The following HDAC4 variants were observed in gnomAD, a reference collection of about 807,000 sequenced individuals.
HDAC4 encodes the protein histone deacetylase A.
HDAC4 carries 16 observed loss-of-function variants against 135.1 expected under a neutral mutation model. That is an observed-to-expected ratio of 0.12 (90% CI 0.08 to 0.18). The LOEUF (loss-of-function observed/expected upper bound fraction) is 0.18. Ranked by LOEUF, HDAC4 falls within the 10% of genes least tolerant of loss-of-function variation. The pLI is 1.00. For missense variants in HDAC4, 1,143 were observed against 1,511.8 expected, an observed-to-expected ratio of 0.76 and a Z score of 4.05; for synonymous variants, 685 against 653.4, an observed-to-expected ratio of 1.05 and a Z score of -0.74.
chr2:239,109,148 G>A (rs2152789865), intron 14 of HDAC4, among the ~76,000 whole-genome samples: 1 of 152,362 alleles, frequency 6.6e-6, no homozygotes, highest in East Asian at 1.9e-4. Flanking sequence ...CCGAGGCCCT[G>A]CCGGGACATG....
At position 239,250,956 on chromosome 2, in the gene HDAC4, C is replaced by T. The variant is rs116017630; in HGVS notation, c.23-14292G>A. Among the ~76,000 whole-genome samples the T allele has an allele frequency of 2.8e-3, 433 of 152,330 alleles. 3 individuals carry two copies. The highest frequency in any genetic ancestry group is 5.1e-3 in the Non-Finnish European group (350 of 68,030). On this transcript the variant is annotated intron_variant, in intron 2 of 26. Transcript: ENST00000543185. Reference sequence around the variant, plus strand: ...CGTGTGTTCACGTGCCCCCGCCACACGCCTGGTTCACCTCGAGACCTGCAT... The same window carrying T: ...CGTGTGTTCACGTGCCCCCGCCACATGCCTGGTTCACCTCGAGACCTGCAT...
In HDAC4 at chr2:239,115,255, G is replaced by A. The variant is rs371587706; in HGVS notation, c.1589C>T (p.Thr530Met). The A allele has an allele frequency of 2.0e-5, 33 of 1,612,986 alleles. No homozygotes were observed. Among genetic ancestry groups the A allele is most frequent in the Middle Eastern group, 1.6e-4 (1 of 6,080 alleles). Residue 530 changes from threonine (T) to methionine (M), a missense_variant, in exon 13 of 27, where the codon ACG becomes ATG. Thr to Met is a moderately conservative substitution (Grantham distance 81). Transcript: ENST00000543185. This position sits in a 1 kb window ranked among gnomAD's most constrained non-coding sequence, Gnocchi z 6.3. Reference sequence around the variant, plus strand: ...CTGGTGCTCACGGAGCTCCTCCTCCGTCTCCTCCGGGTGGCTCTCCGGCTG... The same window carrying A: ...CTGGTGCTCACGGAGCTCCTCCTCCATCTCCTCCGGGTGGCTCTCCGGCTG... ...ARQPESHPEE[T>M]EEELREHQAL...
At chr2:239,199,075 T>A (rs2045586968) in intron 3 of HDAC4, among the ~76,000 whole-genome samples, 1 of 150,036 alleles carries the variant, frequency 6.7e-6, no homozygotes, top group South Asian at 2.1e-4. Flanking sequence ...GATGTATCTT[T>A]TAAGACCCCT....
intron 3 of HDAC4, chr2:239,191,062 G>T (rs1305999468): frequency 4.4e-6 from 2 of 454,828 alleles, no homozygotes; most frequent in Non-Finnish European, 8.9e-6. Flanking sequence ...AAACTTCACT[G>T]AGAGTCCAAG....
intron 2 of HDAC4, among the ~76,000 whole-genome samples, chr2:239,335,581 C>A (rs1691888243): frequency 2.5e-5 from 3 of 120,806 alleles, no homozygotes; most frequent in African/African-American, 9.0e-5. Flanking sequence ...TAGCAACAAA[C>A]AACAAAAAGC....
At chr2:239,205,587 G>C (rs888925064) in intron 3 of HDAC4, among the ~76,000 whole-genome samples, 2 of 152,150 alleles carry the variant, frequency 1.3e-5, no homozygotes, top group Non-Finnish European at 2.9e-5. Flanking sequence ...GCAGAGAAAG[G>C]GGGAGGGAAG....
chr2:239,222,186 C>T (rs1284878212), intron 3 of HDAC4, among the ~76,000 whole-genome samples: 3 of 152,270 alleles, frequency 2.0e-5, no homozygotes, highest in Non-Finnish European at 4.4e-5. Flanking sequence ...CGTGGAATTC[C>T]GTGTGCAGAG....
rs897343096 is a variant in HDAC4 at position 239,077,031 on chromosome 2, A to G, written c.2750+4064T>C. On this transcript the variant is annotated intron_variant, in intron 22 of 26. Transcript: ENST00000543185. Reference sequence around the variant, plus strand: ...CCTCACCAGCCTGTGGCCCTGTCCCAATCTCTGCCGCTGTTTTCTGGGCTT... The same window carrying G: ...CCTCACCAGCCTGTGGCCCTGTCCCGATCTCTGCCGCTGTTTTCTGGGCTT... 7.2e-5 allele frequency among the ~76,000 whole-genome samples: 11 copies of G among 152,016 alleles called. No individual in the cohort carries two copies. The East Asian group carries it at 2.1e-3, about 30-fold the overall frequency.
intron 2 of HDAC4, among the ~76,000 whole-genome samples, chr2:239,239,399 C>G (rs1393547282): frequency 6.6e-6 from 1 of 152,148 alleles, no homozygotes; most frequent in Non-Finnish European, 1.5e-5. Context: ...TGTGTCAGTA[C>G]CACTGGGGTC....
chr2:239,280,499 C>G (rs2050643451), intron 2 of HDAC4, among the ~76,000 whole-genome samples: 1 of 152,192 alleles, frequency 6.6e-6, no homozygotes, highest in East Asian at 1.9e-4. Flanking sequence ...AGGCAGGTGA[C>G]CCGGGCACTG....
intron 11 of HDAC4, among the ~76,000 whole-genome samples, chr2:239,131,535 G>A (rs762865883): frequency 6.6e-6 from 1 of 152,208 alleles, no homozygotes; most frequent in Admixed American, 6.5e-5. Context: ...CTGGGATGAG[G>A]GGGCAGACGA....
chr2:239,253,581 A>G (rs1056938691), intron 2 of HDAC4, among the ~76,000 whole-genome samples: 1 of 152,234 alleles, frequency 6.6e-6, no homozygotes, highest in African/African-American at 2.4e-5. Context: ...AGAACACAGC[A>G]AGTCAACCAG....
intron 3 of HDAC4, among the ~76,000 whole-genome samples, chr2:239,214,916 G>A (rs1224537831): frequency 6.6e-6 from 1 of 152,192 alleles, no homozygotes; most frequent in Non-Finnish European, 1.5e-5. Context: ...GAGTAGGAGA[G>A]GCCGCGGGAG....
intron 24 of HDAC4, among the ~76,000 whole-genome samples, chr2:239,056,281 G>A (rs146853464): frequency 3.8e-4 from 58 of 152,324 alleles, no homozygotes; most frequent in Admixed American, 8.5e-4. Context: ...GATGATGAGC[G>A]AGGTTCCCAA....
At chr2:239,225,549 G>C (rs548065218) in intron 3 of HDAC4, among the ~76,000 whole-genome samples, 1 of 152,360 alleles carries the variant, frequency 6.6e-6, no homozygotes, top group African/African-American at 2.4e-5. Context: ...GGATGGAGGG[G>C]TGGAGCCTGG....
Position 239,083,669 on chromosome 2 carries a change from T to C in HDAC4, c.2532+486A>G, listed in dbSNP as rs562333359. 8.4e-4 allele frequency among the ~76,000 whole-genome samples: 128 copies of C among 152,270 alleles called. 1 individual carries two copies. Among genetic ancestry groups the C allele is most frequent in the African/African-American group, 3.0e-3 (124 of 41,574 alleles). On this transcript the variant is annotated intron_variant, in intron 20 of 26. Coordinates refer to ENST00000543185, the MANE Select transcript of HDAC4 (RefSeq NM_001378414.1). ...ATTCAGATTCGGACATCATATAGCATTATTTAAAAAGAGATGACTCTTTTG... is the reference window on the plus strand; with the variant it reads ...ATTCAGATTCGGACATCATATAGCACTATTTAAAAAGAGATGACTCTTTTG...
chr2:239,117,078 T>C (rs1250564535), intron 12 of HDAC4, among the ~76,000 whole-genome samples: 1 of 152,148 alleles, frequency 6.6e-6, no homozygotes, highest in East Asian at 1.9e-4. Flanking sequence ...ACTAAAAGGA[T>C]GGGGCAAATG....
intron 16 of HDAC4, among the ~76,000 whole-genome samples, chr2:239,099,543 C>T (rs1159510747): frequency 6.6e-6 from 1 of 152,206 alleles, no homozygotes. Context: ...CTGGTAAGGA[C>T]TGGAGAATCC....
At chr2:239,336,739 A>T (rs1169779087) in intron 2 of HDAC4, among the ~76,000 whole-genome samples, 1 of 152,254 alleles carries the variant, frequency 6.6e-6, no homozygotes, top group Admixed American at 6.5e-5. Context: ...GATTATTAGC[A>T]TCCTACCTTA....
Sources: allele counts gnomAD v4.1 joint callset (sites outside exome capture counted in the v4.1 genomes callset), GRCh38; gene constraint gnomAD v4.1.1; non-coding constraint Gnocchi (gnomAD v3.1); transcripts MANE v1.5; gene names NCBI Gene and HGNC (gene_info 2026-07-23, HGNC 2026-07-21).